The following FBXL18 variants were observed in gnomAD, a reference collection of about 807,000 sequenced individuals.
FBXL18 encodes F-box/LRR-repeat protein 18.
In FBXL18, 36 loss-of-function variants were observed where a neutral mutation model predicts 46.0. That is an observed-to-expected ratio of 0.78 (90% confidence interval 0.60 to 1.03). The LOEUF (loss-of-function observed/expected upper bound fraction) is 1.03. Ranked by LOEUF, FBXL18 falls within the 50% of genes least tolerant of loss-of-function variation. The probability of loss-of-function intolerance (pLI) is 0.00; values close to 1 mark genes in which losing one functional copy is unlikely to be tolerated. For missense variants in FBXL18, 977 were observed against 1,004.1 expected (o/e 0.97, Z 0.36); for synonymous variants, 557 against 465.3 (o/e 1.20, Z -2.54).
chr7:5,488,762 G>A (rs1230759695), intron 4 of FBXL18, among the ~76,000 whole-genome samples: 1 of 152,224 alleles, frequency 6.6e-6, no homozygotes, highest in Non-Finnish European at 1.5e-5. Context: ...ACATCTGACA[G>A]GACAGAGCTA....
intron 1 of FBXL18, among the ~76,000 whole-genome samples, chr7:5,509,881 A>G (rs1441778856): frequency 1.3e-5 from 2 of 151,734 alleles, no homozygotes; most frequent in East Asian, 1.9e-4. Context: ...CGGCCAGAGG[A>G]CCCTAGGAGG....
intron 1 of FBXL18, among the ~76,000 whole-genome samples, 166 bp from the exon 2 acceptor site, chr7:5,505,796 T>C (rs1860883): frequency 0.34 from 50,956 of 151,960 alleles, 8,883 homozygotes; most frequent in Admixed American, 0.39. Flanking sequence ...CCTTCAAAAC[T>C]CCATTATAGA....
Position 5,462,950 on chromosome 7 carries a change from C to CAAAAAAAA in FBXL18, c.2001-15115_2001-15108dup, listed in dbSNP as rs138208570. Among the ~76,000 whole-genome samples, 76 of 22,376 alleles carry CAAAAAAAA rather than the reference C, an allele frequency of 3.4e-3. 9 individuals are homozygous for CAAAAAAAA. The highest frequency in any genetic ancestry group is 3.6e-3 in the African/African-American group (27 of 7,518). The allele number at this position is 22,376 out of a possible 152,430, so 14.7% of individuals were successfully genotyped here. A position where few individuals can be genotyped will look rare whatever the true frequency, so the allele number is the denominator to read the frequency against. ...TGGGCGACAGAGTGAGACTTGGTCTCAAAAAAAAAAAAAAAAAAAATATAT... is the reference window on the plus strand; with the variant it reads ...TGGGCGACAGAGTGAGACTTGGTCTCAAAAAAAAAAAAAAAAAAAAAAAAAAAATATAT... On this transcript the variant is annotated intron_variant and NMD_transcript_variant, in intron 4 of 6. Transcript: ENST00000415009.
At position 5,479,227 on chromosome 7, in the gene FBXL18, T is replaced by C. The variant is rs1362586927; in HGVS notation, c.*2548A>G. On this transcript the variant is annotated 3_prime_UTR_variant, in exon 5 of 5. Transcript: ENST00000382368. ...ACAGCCCTTCCCCCAGTCCTGTCTA[T>C]GAGTATAAATTATGCTGCTGGTTAA... The C allele has an allele frequency of 1.3e-5, 2 of 152,222 alleles. No individual in the cohort carries two copies. Among genetic ancestry groups the C allele is most frequent in the South Asian group, 2.1e-4 (1 of 4,816 alleles). 9.4% of individuals were successfully genotyped at this position (152,222 alleles called of 1,614,324 possible).
intron 1 of FBXL18, 127 bp downstream of exon 1, chr7:5,513,530 G>A (rs1784595178): frequency 9.3e-7 from 1 of 1,070,950 alleles, no homozygotes; most frequent in Non-Finnish European, 1.4e-6. Context: ...GGGTCAGGAT[G>A]GGAAGGACGG....
intron 4 of FBXL18, among the ~76,000 whole-genome samples, chr7:5,462,060 T>A (rs4263645): frequency 6.6e-6 from 1 of 152,000 alleles, no homozygotes; most frequent in Non-Finnish European, 1.5e-5. Context: ...GCCAACACAG[T>A]GAAGCCCCGT....
intron 2 of FBXL18, among the ~76,000 whole-genome samples, chr7:5,503,259 C>G (rs930187551): frequency 6.6e-6 from 1 of 152,238 alleles, no homozygotes; most frequent in Non-Finnish European, 1.5e-5. Context: ...TGGCGCACAC[C>G]TGTGGTCCCA....
chr7:5,469,332 A>C (rs2128231904), intron 4 of FBXL18, among the ~76,000 whole-genome samples: 1 of 152,296 alleles, frequency 6.6e-6, no homozygotes, highest in African/African-American at 2.4e-5. Flanking sequence ...GAATCGCTTG[A>C]ACTCCGGAGG....
intron 3 of FBXL18, among the ~76,000 whole-genome samples, chr7:5,498,334 C>T (rs1371777188): frequency 1.3e-5 from 2 of 152,160 alleles, no homozygotes; most frequent in African/African-American, 2.4e-5. Flanking sequence ...GATCCACCCG[C>T]CTCGGCCTCC....
At chr7:5,492,996 A>G (rs1034236123) in intron 3 of FBXL18, among the ~76,000 whole-genome samples, 1 of 152,178 alleles carries the variant, frequency 6.6e-6, no homozygotes. Flanking sequence ...GCCACAGCAG[A>G]AGGCGCCACA....
At chr7:5,471,224 G>A (rs1033578415), downstream of FBXL18, among the ~76,000 whole-genome samples, 2 of 152,110 alleles carry the variant, frequency 1.3e-5, no homozygotes, top group Admixed American at 6.6e-5. Context: ...AAAGCCTCTC[G>A]AGCTGGCTCT....
Position 5,481,010 on chromosome 7 carries a change from C to G in FBXL18, c.*765G>C, listed in dbSNP as rs919409049. 2 of 142,640 alleles carry G rather than the reference C, an allele frequency of 1.4e-5. No homozygotes were observed. The highest frequency in any genetic ancestry group is 5.2e-5 in the African/African-American group (2 of 38,204). The allele number at this position is 142,640 out of a possible 1,614,324, so 8.8% of individuals were successfully genotyped here. A position where few individuals can be genotyped will look rare whatever the true frequency, so the allele number is the denominator to read the frequency against. On this transcript the variant is annotated 3_prime_UTR_variant, in exon 5 of 5. Transcript: ENST00000382368. ...GATTTCCCCAGGAACGCGCATGGAC[C>G]TTCCCAGGGAAGCTGAAGGCCGTGG...
In FBXL18 at chr7:5,500,502, C is replaced by T. The variant is rs776747249; in HGVS notation, c.1767G>A (p.Arg589=). The T allele has an allele frequency of 1.2e-6, 2 of 1,602,912 alleles. No homozygotes were observed. The highest frequency in any genetic ancestry group is 4.5e-5 in the East Asian group (2 of 44,710). Residue 589 remains arginine (R), a synonymous_variant, in exon 3 of 5, where the codon CGG becomes CGA. Transcript: ENST00000382368. ...ALSDMLKHCK[R]LRDLRLEQPY... is the part of the protein sequence containing the mutation. The stretch of plus-strand genomic sequence containing the variant: ...GGCCCCCTCACCTGAGGTCCCTCAG[C>T]CGCTTGCAGTGCTTCAACATGTCTG...
chr7:5,468,319 G>A (rs1214636455), intron 4 of FBXL18, among the ~76,000 whole-genome samples: 2 of 152,120 alleles, frequency 1.3e-5, no homozygotes, highest in African/African-American at 2.4e-5. Context: ...GGATTTCACT[G>A]TGTCAGCCAG....
At position 5,500,784 on chromosome 7, in the gene FBXL18, G is replaced by A. The variant is rs1022145564; in HGVS notation, c.1485C>T (p.Phe495=). 13 of 1,612,582 alleles carry A rather than the reference G, an allele frequency of 8.1e-6. No individual in the cohort carries two copies. Among genetic ancestry groups the A allele is most frequent in the Non-Finnish European group, 1.0e-5 (12 of 1,179,794 alleles). The change falls in exon 3 of 5, where the codon TTC becomes TTT. Residue 495 remains phenylalanine (F), a synonymous_variant. Transcript: ENST00000382368. ...GCTCGTTGCGGGGCATGGCGGAGGAGAAGTTGGACCCAATCAGCTCGAGGT... is the reference window on the plus strand; with the variant it reads ...GCTCGTTGCGGGGCATGGCGGAGGAAAAGTTGGACCCAATCAGCTCGAGGT... The part of the protein sequence containing the change: ...LEHLELIGSN[F]SSAMPRNEPA...
intron 3 of FBXL18, among the ~76,000 whole-genome samples, chr7:5,498,083 T>C (rs1273093235): frequency 1.4e-5 from 2 of 147,726 alleles, no homozygotes; most frequent in Admixed American, 6.7e-5. Flanking sequence ...CTTTTTACTT[T>C]TTTTTTTTTT....
At position 5,478,991 on chromosome 7, in the gene FBXL18, A is replaced by G. The variant is rs543585516; in HGVS notation, c.*2784T>C. ...GGGTGGGTTCTTTTCCCAGCATCAA[A>G]TGCTGCAGAATATAAATTGCAACTA... On this transcript the variant is annotated 3_prime_UTR_variant, in exon 5 of 5. Coordinates refer to ENST00000382368, the MANE Select transcript of FBXL18 (RefSeq NM_024963.6). 6.6e-6 allele frequency: 1 copy of G among 152,352 alleles called. No individual in the cohort carries two copies. The highest frequency in any genetic ancestry group is 2.4e-5 in the African/African-American group (1 of 41,578). The allele number at this position is 152,352 out of a possible 1,614,324, so 9.4% of individuals were successfully genotyped here. A position where few individuals can be genotyped will look rare whatever the true frequency, so the allele number is the denominator to read the frequency against.
intron 4 of FBXL18, among the ~76,000 whole-genome samples, chr7:5,465,027 C>T (rs1783322383): frequency 6.6e-6 from 1 of 152,026 alleles, no homozygotes; most frequent in East Asian, 1.9e-4. Flanking sequence ...TGTGCCATTG[C>T]ACTCCAGCCT....
In FBXL18 at chr7:5,478,880, C is replaced by G. The variant is rs1021373902; in HGVS notation, c.*2895G>C. 6.6e-6 allele frequency: 1 copy of G among 152,240 alleles called. No homozygotes were observed. Among genetic ancestry groups the G allele is most frequent in the Admixed American group, 6.5e-5 (1 of 15,290 alleles). 9.4% of individuals were successfully genotyped at this position (152,240 alleles called of 1,614,324 possible). A position where few individuals can be genotyped will look rare whatever the true frequency, so the allele number is the denominator to read the frequency against. ...GCACGCAGGCACACGCACGCAGGCA[C>G]GGGGACAAGTGCTGACCACGCTCCT... On this transcript the variant is annotated 3_prime_UTR_variant, in exon 5 of 5. Coordinates refer to ENST00000382368, the MANE Select transcript of FBXL18 (RefSeq NM_024963.6).
Sources: allele counts gnomAD v4.1 joint callset (sites outside exome capture counted in the v4.1 genomes callset), GRCh38; gene constraint gnomAD v4.1.1; transcripts MANE v1.5; gene names NCBI Gene and HGNC (gene_info 2026-07-23, HGNC 2026-07-21).